The following CPNE4 variants were observed in gnomAD, a reference collection of about 807,000 sequenced individuals.
CPNE4 encodes copine 4, also known as copine-4.
A neutral mutation model predicts 67.9 loss-of-function variants in CPNE4; 25 were observed. That is an observed-to-expected ratio of 0.37 (90% CI 0.27 to 0.51). CPNE4 has a LOEUF of 0.51. Among genes scored for constraint, CPNE4 ranks in the 20% least tolerant of loss-of-function variants. The pLI, the probability that CPNE4 is intolerant of heterozygous loss-of-function variation, is 0.93. For synonymous variants in CPNE4, 242 were observed against 244.9 expected (o/e 0.99, Z 0.11); for missense variants, 464 against 690.8 (o/e 0.67, Z 3.68).
intron 2 of CPNE4, among the ~76,000 whole-genome samples, chr3:131,862,549 A>T (rs752519027): frequency 6.6e-6 from 1 of 152,152 alleles, no homozygotes; most frequent in Non-Finnish European, 1.5e-5. Context: ...CTTATATGAC[A>T]TTCATTTTGA....
intron 2 of CPNE4, among the ~76,000 whole-genome samples, chr3:131,809,232 T>C (rs2084434615): frequency 6.6e-6 from 1 of 152,088 alleles, no homozygotes; most frequent in South Asian, 2.1e-4. Context: ...AGTGATGTGA[T>C]ATGAGAACAA....
chr3:131,554,119 G>T, intron 12 of CPNE4, among the ~76,000 whole-genome samples: 1 of 152,096 alleles, frequency 6.6e-6, no homozygotes, highest in South Asian at 2.1e-4. Flanking sequence ...AAGACCACCT[G>T]GTGGGGATGT....
rs114624389 is a variant in CPNE4, at chr3:131,820,189, A to G, written c.180+85075T>C. Among the ~76,000 whole-genome samples, 1,303 of 152,288 alleles carry G rather than the reference A, an allele frequency of 8.6e-3. 17 individuals carry two copies. Among genetic ancestry groups the G allele is most frequent in the African/African-American group, 0.029 (1,199 of 41,562 alleles). ...GCAGATTCTGAGTTTAGCATTCAGG[A>G]TATTTATTGAGGAATGCCCTTCGGA... On this transcript the variant is annotated intron_variant, in intron 2 of 15. Transcript: ENST00000429747.
Position 131,757,351 on chromosome 3 carries a change from A to G in CPNE4, c.181-33726T>C, listed in dbSNP as rs138276302. 1.3e-3 allele frequency among the ~76,000 whole-genome samples: 195 copies of G among 152,302 alleles called. 2 individuals are homozygous for G. The highest frequency in any genetic ancestry group is 4.6e-3 in the African/African-American group (191 of 41,568). ...AGATGAGGAACTTGTTGGGAACTGG[A>G]ACAAACGTGACTTTTGTTATGTTTT... On this transcript the variant is annotated intron_variant, in intron 2 of 15. Transcript: ENST00000429747.
chr3:131,741,179 T>C (rs1205770156), intron 2 of CPNE4, among the ~76,000 whole-genome samples: 1 of 152,198 alleles, frequency 6.6e-6, no homozygotes, highest in Non-Finnish European at 1.5e-5. Flanking sequence ...TCACTGTTTG[T>C]TTATCCCGGC....
rs141395695 is a variant in CPNE4, at chr3:131,624,983, G to A, written c.682-37401C>T. Among the ~76,000 whole-genome samples, 481 of 152,260 alleles carry A rather than the reference G, an allele frequency of 3.2e-3. 2 individuals carry two copies. The highest frequency in any genetic ancestry group is 0.011 in the African/African-American group (454 of 41,530). On this transcript the variant is annotated intron_variant, in intron 7 of 15. Coordinates refer to ENST00000429747, the MANE Select transcript of CPNE4 (RefSeq NM_130808.3). The stretch of plus-strand genomic sequence containing the variant: ...TTCTGGTCCTTACCCTATGCAAACA[G>A]AGCTCTAGTCCAGTTCATAAACAGG...
intron 5 of CPNE4, among the ~76,000 whole-genome samples, chr3:131,689,530 T>C (rs1369378172): frequency 1.3e-5 from 2 of 151,970 alleles, no homozygotes; most frequent in Non-Finnish European, 2.9e-5. Flanking sequence ...CTCAACAAAC[T>C]AGGCAGTGAA....
intron 7 of CPNE4, among the ~76,000 whole-genome samples, chr3:131,594,446 G>A (rs971689030): frequency 1.3e-5 from 2 of 152,072 alleles, no homozygotes; most frequent in African/African-American, 4.8e-5. Flanking sequence ...ATACACAATG[G>A]GGAAATAATA....
chr3:132,038,763 T>G (rs913664165), upstream of CPNE4, among the ~76,000 whole-genome samples: 4 of 152,332 alleles, frequency 2.6e-5, no homozygotes, highest in African/African-American at 9.6e-5. Flanking sequence ...CCTCTGGGCT[T>G]AAGGAATATT....
chr3:131,747,436 T>G (rs1450296468), intron 2 of CPNE4, among the ~76,000 whole-genome samples: 1 of 150,474 alleles, frequency 6.6e-6, no homozygotes, highest in African/African-American at 2.4e-5. Context: ...TAGTCCATTT[T>G]GAGTTGATTT....
chr3:131,794,886 A>C (rs529007247), intron 2 of CPNE4, among the ~76,000 whole-genome samples: 17 of 152,230 alleles, frequency 1.1e-4, no homozygotes, highest in African/African-American at 3.4e-4. Context: ...GTCCCTCACC[A>C]AGGCAGTCGC....
chr3:131,963,801 G>C (rs1364812531), intron 1 of CPNE4, among the ~76,000 whole-genome samples: 2 of 152,180 alleles, frequency 1.3e-5, no homozygotes, highest in African/African-American at 2.4e-5. Context: ...AGCAGCTGTT[G>C]GCACTACGGC....
chr3:131,978,081 A>ATATATATATT (rs1553820714), intron 1 of CPNE4, among the ~76,000 whole-genome samples: 1 of 37,670 alleles, frequency 2.7e-5, no homozygotes, highest in African/African-American at 1.5e-4. Flanking sequence ...ATATATAAAT[A>ATATATATATT]TATATAAATA....
intron 3 of CPNE4, among the ~76,000 whole-genome samples, chr3:131,716,570 C>A (rs148665353): frequency 6.6e-6 from 1 of 152,274 alleles, no homozygotes; most frequent in Admixed American, 6.5e-5. Context: ...AATGTTTTCA[C>A]GCTGTATGTT....
chr3:132,036,615 G>T (rs1233680877), upstream of CPNE4, among the ~76,000 whole-genome samples: 4 of 152,328 alleles, frequency 2.6e-5, no homozygotes, highest in East Asian at 7.7e-4. Context: ...GATTGAACTT[G>T]CAAAGATGAA....
chr3:131,780,641 A>G (rs190143814), intron 2 of CPNE4, among the ~76,000 whole-genome samples: 1 of 152,190 alleles, frequency 6.6e-6, no homozygotes, highest in Non-Finnish European at 1.5e-5. Context: ...ACGCAAAGAG[A>G]GGAAAAATAG....
intron 2 of CPNE4, among the ~76,000 whole-genome samples, chr3:131,831,446 G>A (rs2107995371): frequency 6.6e-6 from 1 of 152,078 alleles, no homozygotes; most frequent in Admixed American, 6.6e-5. Flanking sequence ...TACTACTACT[G>A]ATGGAAAATC....
chr3:131,973,661 A>G (rs1028064257), intron 1 of CPNE4, among the ~76,000 whole-genome samples: 1 of 152,212 alleles, frequency 6.6e-6, no homozygotes, highest in African/African-American at 2.4e-5. Context: ...TAATGTTTTC[A>G]ACTCAGTATA....
chr3:131,729,830 T>A (rs1445332996), intron 2 of CPNE4, among the ~76,000 whole-genome samples: 2 of 152,196 alleles, frequency 1.3e-5, no homozygotes, highest in African/African-American at 2.4e-5. Context: ...AAAAAATGCC[T>A]GAGTATTTGA....
Sources: allele counts gnomAD v4.1 joint callset (sites outside exome capture counted in the v4.1 genomes callset), GRCh38; gene constraint gnomAD v4.1.1; transcripts MANE v1.5; gene names NCBI Gene and HGNC (gene_info 2026-07-23, HGNC 2026-07-21).